The following YES1 variants were observed in gnomAD, a reference collection of about 807,000 sequenced individuals.
YES1 encodes YES proto-oncogene 1, Src family tyrosine kinase, also known as tyrosine-protein kinase Yes.
YES1 carries 39 observed loss-of-function variants against 70.4 expected under a neutral mutation model. The ratio of observed to expected loss-of-function variants is 0.55; its 90% CI spans 0.43 to 0.72. YES1 has a LOEUF of 0.72. Among genes scored for constraint, YES1 ranks in the 30% least tolerant of loss-of-function variants. The pLI is 0.00. For missense variants in YES1, 495 were observed against 644.8 expected, an observed-to-expected ratio of 0.77 and a Z score of 2.52; for synonymous variants, 198 against 218.6, an observed-to-expected ratio of 0.91 and a Z score of 0.83.
intron 1 of YES1, among the ~76,000 whole-genome samples, chr18:808,235 G>A (rs1483833907): frequency 6.6e-6 from 1 of 152,158 alleles, no homozygotes; most frequent in African/African-American, 2.4e-5. Flanking sequence ...ATGTGAAAAC[G>A]ATATTGGCGG....
chr18:722,041 TTATTA>T lies in YES1; in HGVS notation c.*2378_*2382del, dbSNP rs750068733. 6.6e-6 allele frequency: 1 copy of T among 152,638 alleles called. No individual in the cohort carries two copies. The highest frequency in any genetic ancestry group is 1.5e-5 in the Non-Finnish European group (1 of 68,046). 9.5% of individuals were successfully genotyped at this position (152,638 alleles called of 1,614,324 possible). Reference sequence around the variant, plus strand: ...GTGTTTTATCCCTACTATACAATTGTTATTATATAAGGAACTGCTCCATTCAGTTA... The same window carrying T: ...GTGTTTTATCCCTACTATACAATTGTTATAAGGAACTGCTCCATTCAGTTA... On this transcript the variant is annotated 3_prime_UTR_variant, in exon 12 of 12. Transcript: ENST00000314574.
At chr18:777,261 A>G (rs550610678) in intron 1 of YES1, among the ~76,000 whole-genome samples, 1 of 152,198 alleles carries the variant, frequency 6.6e-6, no homozygotes, top group African/African-American at 2.4e-5. Flanking sequence ...ATTTAGCACT[A>G]ATTGTTTTAT....
At chr18:810,003 T>C (rs939006913) in intron 1 of YES1, among the ~76,000 whole-genome samples, 2 of 148,232 alleles carry the variant, frequency 1.3e-5, no homozygotes, top group African/African-American at 5.0e-5. Flanking sequence ...CAGAATTTCC[T>C]TGCAGGTTTT....
chr18:805,616 A>C (rs1907058332), intron 1 of YES1, among the ~76,000 whole-genome samples: 1 of 152,234 alleles, frequency 6.6e-6, no homozygotes, highest in South Asian at 2.1e-4. Flanking sequence ...TCAGAAATGA[A>C]ACTAAAATCT....
At chr18:759,682 T>C (rs936993206) in intron 1 of YES1, among the ~76,000 whole-genome samples, 5 of 148,178 alleles carry the variant, frequency 3.4e-5, no homozygotes, top group Non-Finnish European at 7.4e-5. Context: ...GTATTATAAG[T>C]AATCTGGAGA....
At chr18:751,097 C>G (rs1017971459) in intron 3 of YES1, among the ~76,000 whole-genome samples, 3 of 152,098 alleles carry the variant, frequency 2.0e-5, no homozygotes, top group African/African-American at 4.8e-5. Context: ...TAACTGGTAG[C>G]AGATGGGAAC....
chr18:760,996 CACAGG>C (rs1237136443), intron 1 of YES1, among the ~76,000 whole-genome samples: 3 of 152,106 alleles, frequency 2.0e-5, no homozygotes, highest in African/African-American at 7.2e-5. Context: ...CAATTCACAA[CACAGG>C]AAAGGCCAAT....
chr18:785,022 G>T (rs1905863289), intron 1 of YES1, among the ~76,000 whole-genome samples: 1 of 152,178 alleles, frequency 6.6e-6, no homozygotes, highest in Non-Finnish European at 1.5e-5. Context: ...TTAGGGTTCA[G>T]AGAGTCAGTA....
intron 1 of YES1, among the ~76,000 whole-genome samples, chr18:772,035 G>GTTT (rs879920795): frequency 1.3e-5 from 2 of 148,704 alleles, no homozygotes; most frequent in African/African-American, 2.5e-5. Context: ...GCATGTTCAA[G>GTTT]TTTTTTTTTT....
At chr18:797,354 A>G (rs551158490) in intron 1 of YES1, among the ~76,000 whole-genome samples, 2 of 152,172 alleles carry the variant, frequency 1.3e-5, no homozygotes, top group African/African-American at 2.4e-5. Context: ...AAAATATAGA[A>G]AGAGCTTTAA....
chr18:723,955 T>C lies in YES1; in HGVS notation c.*469A>G, dbSNP rs1335919416. 1 of 155,520 alleles carries C rather than the reference T, an allele frequency of 6.4e-6. No homozygotes were observed. The highest frequency in any genetic ancestry group is 6.3e-5 in the Admixed American group (1 of 15,914). The allele number at this position is 155,520 out of a possible 1,614,324, so 9.6% of individuals were successfully genotyped here. On this transcript the variant is annotated 3_prime_UTR_variant, in exon 12 of 12. Coordinates refer to ENST00000314574, the MANE Select transcript of YES1 (RefSeq NM_005433.4). ...TTAACTTAGAAAAAACTTTTGAGAATAATAAATGCAAGAAACTTTAAAAAA... is the reference window on the plus strand; with the variant it reads ...TTAACTTAGAAAAAACTTTTGAGAACAATAAATGCAAGAAACTTTAAAAAA...
Position 724,262 on chromosome 18 carries a change from T to C in YES1, c.*162A>G, listed in dbSNP as rs757434615. On this transcript the variant is annotated 3_prime_UTR_variant, in exon 12 of 12. Coordinates refer to ENST00000314574, the MANE Select transcript of YES1 (RefSeq NM_005433.4). The stretch of plus-strand genomic sequence containing the variant: ...TCATTGGTACATTAGAGTTTAATAC[T>C]TGGGGAAAAAAAAGTGGTTTTGTGC... 23 of 654,752 alleles carry C rather than the reference T, an allele frequency of 3.5e-5. No homozygotes were observed. Among genetic ancestry groups the C allele is most frequent in the East Asian group, 1.9e-4 (7 of 36,442 alleles). 40.6% of individuals were successfully genotyped at this position (654,752 alleles called of 1,614,324 possible).
intron 1 of YES1, among the ~76,000 whole-genome samples, chr18:806,130 T>C (rs186953730): frequency 6.2e-4 from 95 of 152,360 alleles, no homozygotes; most frequent in Middle Eastern, 6.8e-3. Context: ...CCTAGGTATA[T>C]ATGAACAAGT....
chr18:758,614 A>T (rs566823959), intron 1 of YES1, among the ~76,000 whole-genome samples: 1 of 152,300 alleles, frequency 6.6e-6, no homozygotes, highest in Admixed American at 6.5e-5. Flanking sequence ...GTCATCACAA[A>T]TGTTACTTTT....
chr18:743,216 CCA>C, intron 7 of YES1, 42 bp downstream of exon 7: 4 of 1,587,904 alleles, frequency 2.5e-6, no homozygotes, highest in Non-Finnish European at 3.4e-6. Context: ...GCACTTTAAT[CCA>C]CAGCTAAACA....
intron 3 of YES1, among the ~76,000 whole-genome samples, chr18:749,101 C>G (rs1165284980): frequency 6.6e-6 from 1 of 152,122 alleles, no homozygotes; most frequent in African/African-American, 2.4e-5. Flanking sequence ...GTGGAGGTTG[C>G]AGTGAGCCGA....
chr18:758,003 T>C (rs1004577879), intron 1 of YES1, among the ~76,000 whole-genome samples: 1 of 152,138 alleles, frequency 6.6e-6, no homozygotes, highest in Non-Finnish European at 1.5e-5. Flanking sequence ...GCAAATACTG[T>C]TGTATTCTGT....
intron 1 of YES1, among the ~76,000 whole-genome samples, chr18:776,632 C>CT (rs1259218232): frequency 6.6e-6 from 1 of 152,114 alleles, no homozygotes; most frequent in Admixed American, 6.6e-5. Flanking sequence ...AGAAGACAGT[C>CT]TGAAACATAA....
intron 1 of YES1, among the ~76,000 whole-genome samples, chr18:807,936 C>T (rs903359520): frequency 6.6e-6 from 1 of 152,126 alleles, no homozygotes; most frequent in Non-Finnish European, 1.5e-5. Flanking sequence ...AAGGAACCTG[C>T]AGTCTCACAG....
Sources: allele counts gnomAD v4.1 joint callset (sites outside exome capture counted in the v4.1 genomes callset), GRCh38; gene constraint gnomAD v4.1.1; transcripts MANE v1.5; gene names NCBI Gene and HGNC (gene_info 2026-07-23, HGNC 2026-07-21).